Variants in CDH10 observed in about 807,000 individuals in gnomAD.
CDH10 encodes the protein cadherin 10.
A neutral mutation model predicts 73.1 loss-of-function variants in CDH10; 30 were observed. That is an observed-to-expected ratio of 0.41 (90% CI 0.31 to 0.56). The LOEUF (loss-of-function observed/expected upper bound fraction) is 0.56, where lower values mean the gene tolerates loss of function less well. Ranked by LOEUF, CDH10 falls within the 20% of genes least tolerant of loss-of-function variation. The pLI is 0.27. For missense variants in CDH10, 815 were observed against 973.7 expected (o/e 0.84, Z 2.17); for synonymous variants, 345 against 348.2 (o/e 0.99, Z 0.10).
intron 2 of CDH10, among the ~76,000 whole-genome samples, chr5:24,548,189 G>A (rs556973750): frequency 1.8e-4 from 27 of 151,380 alleles, no homozygotes; most frequent in African/African-American, 6.5e-4. Flanking sequence ...GTGCAGTGGC[G>A]TGATTTCAGC....
At chr5:24,576,714 T>A (rs1745612948) in intron 2 of CDH10, among the ~76,000 whole-genome samples, 1 of 151,962 alleles carries the variant, frequency 6.6e-6, no homozygotes, top group South Asian at 2.1e-4. Context: ...GAGACAAATA[T>A]CCTACAGAAG....
At chr5:24,536,951 A>G (rs913233491) in intron 3 of CDH10, among the ~76,000 whole-genome samples, 3 of 151,956 alleles carry the variant, frequency 2.0e-5, no homozygotes, top group Admixed American at 6.6e-5. Flanking sequence ...AAATATGTAG[A>G]TAGTACATAT....
chr5:24,522,612 G>T (rs1419657071), intron 5 of CDH10, among the ~76,000 whole-genome samples: 1 of 152,152 alleles, frequency 6.6e-6, no homozygotes, highest in Non-Finnish European at 1.5e-5. Flanking sequence ...GCATCTTCAG[G>T]TCTGCCAAAT....
intron 1 of CDH10, among the ~76,000 whole-genome samples, chr5:24,631,695 C>G (rs1418370530): frequency 6.6e-6 from 1 of 151,980 alleles, no homozygotes; most frequent in Non-Finnish European, 1.5e-5. Context: ...AATGTACTTA[C>G]TTTTAAACGT....
At chr5:24,636,705 A>C (rs1276286238) in intron 1 of CDH10, among the ~76,000 whole-genome samples, 1 of 151,968 alleles carries the variant, frequency 6.6e-6, no homozygotes, top group African/African-American at 2.4e-5. Flanking sequence ...AAAAATTAGC[A>C]ATAGAAATTT....
chr5:24,521,022 T>C lies in CDH10; in HGVS notation c.815-9508A>G, dbSNP rs116510419. Among the ~76,000 whole-genome samples the C allele has an allele frequency of 3.1e-3, 466 of 152,070 alleles. 4 individuals carry two copies. The highest frequency in any genetic ancestry group is 0.011 in the African/African-American group (440 of 41,494). On this transcript the variant is annotated intron_variant, in intron 5 of 11. Coordinates refer to ENST00000264463, the MANE Select transcript of CDH10 (RefSeq NM_006727.5). The stretch of plus-strand genomic sequence containing the variant: ...TGCCCGGCCACAAATAATTTTCAAG[T>C]TGAGAATTTAAAGTATGGGTAGCAT...
Position 24,539,991 on chromosome 5 carries a change from A to T in CDH10, c.232-2317T>A, listed in dbSNP as rs116452732. ...TGAGCTGTTATGGTTTACAGTAGAC[A>T]GTTATATTTATTCTCTATGCATTCA... On this transcript the variant is annotated intron_variant, in intron 2 of 11. Coordinates refer to ENST00000264463, the MANE Select transcript of CDH10 (RefSeq NM_006727.5). Among the ~76,000 whole-genome samples the T allele has an allele frequency of 9.0e-4, 137 of 152,190 alleles. No individual in the cohort carries two copies. The Middle Eastern group carries it at 0.017, about 19-fold the overall frequency.
At chr5:24,515,079 T>C (rs966540628) in intron 5 of CDH10, among the ~76,000 whole-genome samples, 11 of 152,134 alleles carry the variant, frequency 7.2e-5, no homozygotes, top group Non-Finnish European at 1.5e-5. Flanking sequence ...CTCAAATCCT[T>C]GTATTCCTGA....
chr5:24,587,000 G>A (rs896200282), intron 2 of CDH10, among the ~76,000 whole-genome samples: 12 of 151,172 alleles, frequency 7.9e-5, no homozygotes, highest in East Asian at 4.0e-4. Context: ...GCCCGCCACC[G>A]TGCCCGGCTA....
chr5:24,570,849 TTGAAA>T (rs1334287873), intron 2 of CDH10, among the ~76,000 whole-genome samples: 1 of 151,644 alleles, frequency 6.6e-6, no homozygotes, highest in Non-Finnish European at 1.5e-5. Context: ...TGAGAATGAT[TTGAAA>T]TATTTTTTGT....
At position 24,618,796 on chromosome 5, in the gene CDH10, A is replaced by T. The variant is rs565476862; in HGVS notation, c.-123-25183T>A. On this transcript the variant is annotated intron_variant, in intron 1 of 11. Transcript: ENST00000264463. Reference sequence around the variant, plus strand: ...AATTTGACTTCCTGGTCTTTGTTTAATTTGACTTCCTGGTCTTTGTAGAGC... The same window carrying T: ...AATTTGACTTCCTGGTCTTTGTTTATTTTGACTTCCTGGTCTTTGTAGAGC... Among the ~76,000 whole-genome samples the T allele has an allele frequency of 4.5e-3, 691 of 152,294 alleles. 23 individuals carry two copies. The highest frequency in any genetic ancestry group is 1.2e-3 in the Non-Finnish European group (82 of 68,016).
chr5:24,564,970 C>T lies in CDH10; in HGVS notation c.232-27296G>A, dbSNP rs79992252. ...ATATGCCCACCATACCCTTTTCTGA[C>T]TCTGAATGCCCTCACCAGTCCAAAT... On this transcript the variant is annotated intron_variant, in intron 2 of 11. Coordinates refer to ENST00000264463, the MANE Select transcript of CDH10 (RefSeq NM_006727.5). 9.0e-3 allele frequency among the ~76,000 whole-genome samples: 1,373 copies of T among 152,238 alleles called. 21 individuals carry two copies. The highest frequency in any genetic ancestry group is 0.032 in the African/African-American group (1,319 of 41,550).
chr5:24,625,441 T>C (rs1035067522), intron 1 of CDH10, among the ~76,000 whole-genome samples: 1 of 151,718 alleles, frequency 6.6e-6, no homozygotes, highest in African/African-American at 2.4e-5. Context: ...AGCAATGTGA[T>C]TAGATATAAT....
At chr5:24,586,840 A>ATTTTTTT (rs1746023448) in intron 2 of CDH10, among the ~76,000 whole-genome samples, 13 of 100,610 alleles carry the variant, frequency 1.3e-4, no homozygotes, top group East Asian at 2.8e-4. Context: ...GATAGCCCAT[A>ATTTTTTT]TTCTTTTTTT....
intron 2 of CDH10, among the ~76,000 whole-genome samples, chr5:24,589,966 GA>G (rs1444652830): frequency 6.6e-6 from 1 of 152,060 alleles, no homozygotes; most frequent in African/African-American, 2.4e-5. Flanking sequence ...AAGATAAAGA[GA>G]GGGGAGTGAG....
At chr5:24,610,494 ATGTT>A (rs776621993) in intron 1 of CDH10, among the ~76,000 whole-genome samples, 2 of 152,134 alleles carry the variant, frequency 1.3e-5, no homozygotes, top group Non-Finnish European at 2.9e-5. Context: ...ATAAATATGA[ATGTT>A]TGGCCTCTAT....
chr5:24,537,353 C>T (rs778311390), intron 3 of CDH10, 27 bp downstream of exon 3: 8 of 1,475,652 alleles, frequency 5.4e-6, no homozygotes, highest in Non-Finnish European at 7.4e-6. Context: ...TTTTGAATAC[C>T]ATCATAAACG....
intron 2 of CDH10, among the ~76,000 whole-genome samples, chr5:24,556,507 A>T (rs1744774770): frequency 1.3e-5 from 2 of 151,840 alleles, no homozygotes; most frequent in Non-Finnish European, 2.9e-5. Flanking sequence ...AATATTTTAA[A>T]CATTTTTTAC....
chr5:24,574,413 TG>T (rs2112033937), intron 2 of CDH10, among the ~76,000 whole-genome samples: 1 of 152,232 alleles, frequency 6.6e-6, no homozygotes, highest in African/African-American at 2.4e-5. Flanking sequence ...TTTACAAAAA[TG>T]GATAGTTGGA....
Sources: gnomAD v4.1 joint callset for allele counts (sites outside exome capture counted in the v4.1 genomes callset) on GRCh38, gnomAD v4.1.1 for gene constraint, MANE v1.5 for transcripts, NCBI Gene and HGNC (gene_info 2026-07-23, HGNC 2026-07-21) for gene names.